TCEA3: variants seen among roughly 807,000 people sequenced by gnomAD.
The protein encoded by TCEA3 is transcription elongation factor A protein 3.
TCEA3 carries 36 observed loss-of-function variants against 44.0 expected under a neutral mutation model. That is an observed-to-expected ratio of 0.82 (90% CI 0.63 to 1.08). The LOEUF is 1.08. TCEA3 is among the 50% of genes least tolerant of loss of function. The pLI is 0.00. For missense variants in TCEA3, 392 were observed against 441.2 expected (o/e 0.89, Z 1.00); for synonymous variants, 162 against 159.7 (o/e 1.01, Z -0.11).
chr1:23,401,868 A>G (rs543106278), intron 5 of TCEA3, among the ~76,000 whole-genome samples: 9 of 152,164 alleles, frequency 5.9e-5, no homozygotes, highest in African/African-American at 2.2e-4. Context: ...TGAGGGATCT[A>G]GGTTGCACGC....
intron 5 of TCEA3, among the ~76,000 whole-genome samples, chr1:23,407,169 T>C (rs895727228): frequency 6.6e-6 from 1 of 152,174 alleles, no homozygotes; most frequent in African/African-American, 2.4e-5. Flanking sequence ...CATCCCTGAC[T>C]CCTCTGTTTC....
At chr1:23,405,363 G>A (rs892965171) in intron 5 of TCEA3, among the ~76,000 whole-genome samples, 21 of 152,242 alleles carry the variant, frequency 1.4e-4, no homozygotes, top group Middle Eastern at 6.8e-3. Flanking sequence ...TTGGGGGGCC[G>A]AAGAGGGTGG....
intron 4 of TCEA3, chr1:23,411,021 T>C (rs1027582015): frequency 2.9e-5 from 6 of 205,850 alleles, no homozygotes; most frequent in Non-Finnish European, 5.2e-5. Flanking sequence ...ACAAATGAGA[T>C]GTGGTGATCA....
At chr1:23,417,594 C>T (rs1308736887) in intron 3 of TCEA3, among the ~76,000 whole-genome samples, 2 of 152,218 alleles carry the variant, frequency 1.3e-5, no homozygotes, top group African/African-American at 4.8e-5. Context: ...GACATTAATA[C>T]ATTGGCAAAC....
chr1:23,392,740 A>ACACCT (rs1405110208), intron 8 of TCEA3, among the ~76,000 whole-genome samples: 2 of 147,500 alleles, frequency 1.4e-5, no homozygotes, highest in Non-Finnish European at 3.0e-5. Context: ...TACACCAAAC[A>ACACCT]CACCTCACAC....
rs150714088 is a variant in TCEA3 at position 23,390,412 on chromosome 1, T to C, written c.820-2993A>G. On this transcript the variant is annotated intron_variant, in intron 8 of 10. Transcript: ENST00000450454. ...AGGAGAATCTCTTGAACCTGGGAGGTGGAGGTTGCAGTGAGCTGAGATTAT... is the reference window on the plus strand; with the variant it reads ...AGGAGAATCTCTTGAACCTGGGAGGCGGAGGTTGCAGTGAGCTGAGATTAT... Among the ~76,000 whole-genome samples, 426 of 151,876 alleles carry C rather than the reference T, an allele frequency of 2.8e-3. 4 individuals are homozygous for C. The highest frequency in any genetic ancestry group is 9.9e-3 in the African/African-American group (412 of 41,418).
intron 4 of TCEA3, among the ~76,000 whole-genome samples, chr1:23,412,708 CA>C (rs11298848): frequency 0.044 from 5,835 of 131,264 alleles, 304 homozygotes; most frequent in South Asian, 0.24. Context: ...AACTCCATCT[CA>C]AAAAAAAAAA....
chr1:23,384,367 A>G lies in TCEA3; in HGVS notation c.1017T>C (p.Asn339=), dbSNP rs781680444. ...AGACCTTCCAGCGATTGCCACATTC[A>G]TTGCATAAGACAAAGGTAGTCATGG... ...DEPMTTFVLC[N]ECGNRWKFC Residue 339 remains asparagine, a synonymous_variant, in exon 10 of 11, where the codon AAT becomes AAC. Transcript: ENST00000450454. 1 of 1,614,000 alleles carries G rather than the reference A, an allele frequency of 6.2e-7. No homozygotes were observed. Among genetic ancestry groups the G allele is most frequent in the Non-Finnish European group, 8.5e-7 (1 of 1,179,882 alleles).
At chr1:23,404,877 G>A (rs768643099) in intron 5 of TCEA3, among the ~76,000 whole-genome samples, 15 of 152,098 alleles carry the variant, frequency 9.9e-5, no homozygotes, top group Non-Finnish European at 1.6e-4. Flanking sequence ...GGAGCAGGAG[G>A]ATTGCTTGAG....
chr1:23,417,765 C>G, intron 3 of TCEA3, 139 bp downstream of exon 3: 1 of 769,798 alleles, frequency 1.3e-6, no homozygotes, highest in Non-Finnish European at 2.1e-6. Flanking sequence ...CCACTAGCTA[C>G]CTCCCGGATC....
At chr1:23,390,417 G>A (rs906050228) in intron 8 of TCEA3, among the ~76,000 whole-genome samples, 2 of 152,148 alleles carry the variant, frequency 1.3e-5, no homozygotes, top group Non-Finnish European at 2.9e-5. Context: ...GGAGGTGGAG[G>A]TTGCAGTGAG....
intron 3 of TCEA3, 93 bp downstream of exon 3, chr1:23,417,807 AACAG>A: frequency 8.8e-7 from 1 of 1,131,950 alleles, no homozygotes; most frequent in African/African-American, 1.5e-5. Flanking sequence ...TAAGTCACTC[AACAG>A]ACATACACTG....
chr1:23,384,353 C>A lies in TCEA3; in HGVS notation c.1031G>T (p.Arg344Leu), dbSNP rs754997149. 2 of 1,613,810 alleles carry A rather than the reference C, an allele frequency of 1.2e-6. No individual in the cohort carries two copies. The highest frequency in any genetic ancestry group is 2.7e-5 in the African/African-American group (2 of 74,924). ...TFVLCNECGNRWKFC is the reference protein window; with the variant it reads ...TFVLCNECGNLWKFC ...ATACATAAACATACAGACCTTCCAG[C>A]GATTGCCACATTCATTGCATAAGAC... Residue 344 changes from arginine (R) to leucine (L), a missense_variant, in exon 10 of 11, where the codon CGC becomes CTC. Arg to Leu is a moderately radical substitution (Grantham distance 102). Transcript: ENST00000450454.
chr1:23,383,684 A>C (rs686546), intron 10 of TCEA3: 1 of 985,352 alleles, frequency 1.0e-6, no homozygotes. Flanking sequence ...CATGGTGCAC[A>C]TGCAAGTCAG....
At chr1:23,385,205 C>G (rs1022622462) in intron 9 of TCEA3, among the ~76,000 whole-genome samples, 1 of 152,132 alleles carries the variant, frequency 6.6e-6, no homozygotes, top group African/African-American at 2.4e-5. Flanking sequence ...CTTGGCTGGC[C>G]ACGACATGTA....
chr1:23,392,415 CAATA>C (rs1250754056), intron 8 of TCEA3, among the ~76,000 whole-genome samples: 11 of 760 alleles, frequency 0.014, no homozygotes, highest in Admixed American at 0.025. Flanking sequence ...TCATCATGCA[CAATA>C]CACACACACT....
At chr1:23,413,678 C>T (rs1295027310) in intron 4 of TCEA3, among the ~76,000 whole-genome samples, 1 of 152,210 alleles carries the variant, frequency 6.6e-6, no homozygotes, top group Non-Finnish European at 1.5e-5. Context: ...AAGTGATCTG[C>T]CCGCCTTGGC....
At chr1:23,395,775 C>T (rs1170513455) in intron 7 of TCEA3, among the ~76,000 whole-genome samples, 1 of 149,846 alleles carries the variant, frequency 6.7e-6, no homozygotes, top group Non-Finnish European at 1.5e-5. Flanking sequence ...TTGCAGTGAG[C>T]TGAGATCATG....
chr1:23,386,162 G>A (rs966157459), intron 9 of TCEA3, among the ~76,000 whole-genome samples: 2 of 152,206 alleles, frequency 1.3e-5, no homozygotes, highest in East Asian at 1.9e-4. Context: ...CCACATTAGT[G>A]TACCAAGGCT....
Sources: gnomAD v4.1 joint callset for allele counts (sites outside exome capture counted in the v4.1 genomes callset) on GRCh38, gnomAD v4.1.1 for gene constraint, MANE v1.5 for transcripts, NCBI Gene and HGNC (gene_info 2026-07-23, HGNC 2026-07-21) for gene names.